FAM3B: variants seen among roughly 807,000 people sequenced by gnomAD.
The protein encoded by FAM3B is protein FAM3B.
Under a neutral mutation model 28.4 loss-of-function variants are expected in FAM3B, and 29 were observed. That is an observed-to-expected ratio of 1.02 (90% CI 0.76 to 1.39). FAM3B has a LOEUF of 1.39. FAM3B is among the 40% of genes most tolerant of loss of function. The pLI is 0.00. For synonymous variants in FAM3B, 91 were observed against 103.0 expected, an observed-to-expected ratio of 0.88 and a Z score of 0.71; for missense variants, 266 against 293.9, an observed-to-expected ratio of 0.91 and a Z score of 0.69.
chr21:41,316,883 C>A lies in FAM3B; in HGVS notation c.4C>A (p.Arg2Ser). 2 of 1,402,190 alleles carry A rather than the reference C, an allele frequency of 1.4e-6. No homozygotes were observed. Among genetic ancestry groups the A allele is most frequent in the South Asian group, 3.2e-5 (2 of 63,310 alleles). 86.9% of individuals were successfully genotyped at this position (1,402,190 alleles called of 1,614,324 possible). The stretch of plus-strand genomic sequence containing the variant: ...GGAGGGGAGCGGCACCTGGAAGATG[C>A]GCCCATTGGCTGGTGGTGAGTGCGC... MRPLAGGLLKVV... is the reference protein window; with the variant it reads MSPLAGGLLKVV... The change falls in exon 1 of 8, where the codon CGC becomes AGC. Residue 2 changes from arginine (R) to serine (S), a missense_variant. Arg to Ser is a moderately radical substitution (Grantham distance 110, BLOSUM62 -1). Coordinates refer to ENST00000357985, the MANE Select transcript of FAM3B (RefSeq NM_058186.4).
chr21:41,310,607 C>G (rs1485988845), intron 1 of FAM3B, among the ~76,000 whole-genome samples: 1 of 152,176 alleles, frequency 6.6e-6, no homozygotes, highest in African/African-American at 2.4e-5. Context: ...GGGTTTCTGG[C>G]CCTTCCAAAA....
At chr21:41,350,961 G>A (rs373180655) in intron 7 of FAM3B, among the ~76,000 whole-genome samples, 27 of 152,140 alleles carry the variant, frequency 1.8e-4, no homozygotes, top group Admixed American at 5.9e-4. Flanking sequence ...CTGGCAGCCC[G>A]GGCGTTGTGC....
chr21:41,321,977 C>T (rs985083090), intron 1 of FAM3B, among the ~76,000 whole-genome samples: 16 of 152,164 alleles, frequency 1.1e-4, no homozygotes, highest in African/African-American at 3.9e-4. Flanking sequence ...CTCCTTCCCT[C>T]CTTCTCTTAC....
At chr21:41,324,302 C>A (rs1240856551) in intron 2 of FAM3B, among the ~76,000 whole-genome samples, 2 of 152,232 alleles carry the variant, frequency 1.3e-5, no homozygotes, top group Admixed American at 6.5e-5. Context: ...GTTAGAGCAT[C>A]TCTTGAAACA....
chr21:41,338,588 A>G (rs1318591487), intron 3 of FAM3B, 87 bp downstream of exon 3: 2 of 1,535,398 alleles, frequency 1.3e-6, no homozygotes, highest in East Asian at 2.3e-5. Flanking sequence ...AGTTCTGCCC[A>G]CAGGAGAGAA....
intron 7 of FAM3B, among the ~76,000 whole-genome samples, chr21:41,356,620 G>A (rs186287639): frequency 6.0e-4 from 92 of 152,350 alleles, no homozygotes; most frequent in African/African-American, 2.1e-3. Flanking sequence ...CCACTGGACA[G>A]GTAGATTATA....
rs186350386 is a variant in FAM3B, at chr21:41,317,530, C to T, written c.19+632C>T. Among the ~76,000 whole-genome samples the T allele has an allele frequency of 3.4e-4, 51 of 152,186 alleles. 1 individual carries two copies. The highest frequency in any genetic ancestry group is 1.0e-3 in the Admixed American group (16 of 15,254). The stretch of plus-strand genomic sequence containing the variant: ...GTCACTTTCCTGTCACAGACCATCT[C>T]GGGTCCTGGTGTCCACTGCCCTGGC... On this transcript the variant is annotated intron_variant, in intron 1 of 7. Transcript: ENST00000357985.
intron 2 of FAM3B, among the ~76,000 whole-genome samples, chr21:41,333,133 T>G (rs1431007849): frequency 6.9e-6 from 1 of 145,880 alleles, no homozygotes; most frequent in Admixed American, 6.7e-5. Context: ...TGTTTCTGGT[T>G]TTTTTTTTTT....
chr21:41,352,771 G>A lies in FAM3B; in HGVS notation c.618+4047G>A, dbSNP rs571868663. 2.6e-4 allele frequency among the ~76,000 whole-genome samples: 39 copies of A among 148,536 alleles called. No homozygotes were observed. In the East Asian group the frequency reaches 6.6e-3, roughly 25 times the overall value. On this transcript the variant is annotated intron_variant, in intron 7 of 7. Transcript: ENST00000357985. ...ATAATGCCACTGCACTCCAGGCTGG[G>A]CAACATTAGCGAAACTCCATCTCAA... is the stretch of plus-strand genomic sequence containing the variant.
chr21:41,317,596 C>T (rs1177183747), intron 1 of FAM3B, among the ~76,000 whole-genome samples: 2 of 152,022 alleles, frequency 1.3e-5, no homozygotes, highest in Non-Finnish European at 2.9e-5. Flanking sequence ...TTGCGGGTCT[C>T]CTCCTATAAT....
intron 1 of FAM3B, chr21:41,320,975 A>G (rs2088798137): frequency 6.6e-6 from 1 of 152,140 alleles, no homozygotes; most frequent in African/African-American, 2.4e-5. Flanking sequence ...TACACATTCA[A>G]AAGGTAAATA....
intron 7 of FAM3B, among the ~76,000 whole-genome samples, chr21:41,350,035 C>G (rs1027607843): frequency 6.6e-6 from 1 of 152,188 alleles, no homozygotes; most frequent in African/African-American, 2.4e-5. Flanking sequence ...TGGTGGGGCT[C>G]CTTGGGCCCC....
intron 4 of FAM3B, among the ~76,000 whole-genome samples, chr21:41,345,373 G>T (rs1228922760): frequency 6.6e-6 from 1 of 151,952 alleles, no homozygotes; most frequent in Non-Finnish European, 1.5e-5. Context: ...GGGATGAGGC[G>T]GGTGGGCCTG....
At chr21:41,329,036 G>T (rs1368154320) in intron 2 of FAM3B, among the ~76,000 whole-genome samples, 1 of 152,194 alleles carries the variant, frequency 6.6e-6, no homozygotes, top group Non-Finnish European at 1.5e-5. Context: ...TTGACAGCAT[G>T]TGTTGATATA....
In FAM3B at chr21:41,357,285, C is replaced by T. The variant is rs1198930193; in HGVS notation, c.*88C>T. 14 of 843,302 alleles carry T rather than the reference C, an allele frequency of 1.7e-5. No individual in the cohort carries two copies. Among genetic ancestry groups the T allele is most frequent in the Non-Finnish European group, 2.6e-5 (14 of 542,252 alleles). 52.2% of individuals were successfully genotyped at this position (843,302 alleles called of 1,614,324 possible). ...TCTTATTTTTCTAAATCCAACAGCC[C>T]ATATTTGATGAGTATTTTGGGTTTG... On this transcript the variant is annotated 3_prime_UTR_variant, in exon 8 of 8. Transcript: ENST00000357985.
chr21:41,305,355 G>A (rs1478264347), intron 1 of FAM3B, among the ~76,000 whole-genome samples: 1 of 152,176 alleles, frequency 6.6e-6, no homozygotes, highest in Non-Finnish European at 1.5e-5. Context: ...CCAACACGTG[G>A]CCACTCAGTC....
At chr21:41,311,247 AAAAAATAT>A (rs1470798000) in intron 1 of FAM3B, among the ~76,000 whole-genome samples, 5 of 63,446 alleles carry the variant, frequency 7.9e-5, no homozygotes, top group African/African-American at 1.2e-4. Context: ...AAAAAAAAAA[AAAAAATAT>A]ATATATATAT....
chr21:41,356,034 A>G (rs922870305), intron 7 of FAM3B, among the ~76,000 whole-genome samples: 1 of 134,150 alleles, frequency 7.5e-6, no homozygotes, highest in Non-Finnish European at 1.6e-5. Flanking sequence ...CTGGGAAAAA[A>G]ATACATACAC....
At position 41,347,062 on chromosome 21, in the gene FAM3B, C is replaced by G; in HGVS notation, c.447C>G (p.Ser149=). The part of the protein sequence containing the change: ...TKFIQSAAPK[S]LLFMVTYDDG... ...TTATTCAGAGTGCTGCTCCAAAATC[C>G]CTGCTCTTCATGGTGACCTATGACG... is the stretch of plus-strand genomic sequence containing the variant. The change falls in exon 6 of 8, where the codon TCC becomes TCG. Residue 149 remains serine (S), a synonymous_variant. Transcript: ENST00000357985. The G allele has an allele frequency of 6.2e-7, 1 of 1,614,074 alleles. No homozygotes were observed. Among genetic ancestry groups the G allele is most frequent in the Non-Finnish European group, 8.5e-7 (1 of 1,180,008 alleles).
Sources: allele counts gnomAD v4.1 joint callset (sites outside exome capture counted in the v4.1 genomes callset), GRCh38; gene constraint gnomAD v4.1.1; transcripts MANE v1.5; gene names NCBI Gene and HGNC (gene_info 2026-07-23, HGNC 2026-07-21).